The following OSBPL10 variants were observed in gnomAD, a reference collection of about 807,000 sequenced individuals.
The protein encoded by OSBPL10 is oxysterol-binding protein-related protein 10.
In OSBPL10, 49 loss-of-function variants were observed where a neutral mutation model predicts 81.7. That is an observed-to-expected ratio of 0.60 (90% confidence interval 0.48 to 0.76). The LOEUF is 0.76. OSBPL10 is among the 30% of genes least tolerant of loss of function. OSBPL10 has a pLI of 0.00. For synonymous variants in OSBPL10, 419 were observed against 383.6 expected, an observed-to-expected ratio of 1.09 and a Z score of -1.08; for missense variants, 923 against 987.8, an observed-to-expected ratio of 0.93 and a Z score of 0.88.
rs61157535 is a variant in OSBPL10, at chr3:31,799,379, TAAAAAAAAAA to T, written c.729+30651_729+30660del. Among the ~76,000 whole-genome samples, 152 of 56,244 alleles carry T rather than the reference TAAAAAAAAAA, an allele frequency of 2.7e-3. 3 individuals carry two copies. Among genetic ancestry groups the T allele is most frequent in the South Asian group, 0.017 (14 of 846 alleles). The allele number at this position is 56,244 out of a possible 152,430, so 36.9% of individuals were successfully genotyped here. ...CAACATAGCAAGACCCCTATCTCTT[TAAAAAAAAAA>T]AAAAAAAAAAAAAAAAATGGAAGAA... is the stretch of plus-strand genomic sequence containing the variant. On this transcript the variant is annotated intron_variant, in intron 4 of 11. Transcript: ENST00000396556.
chr3:31,855,951 C>T (rs1700900987), intron 3 of OSBPL10, among the ~76,000 whole-genome samples: 1 of 151,996 alleles, frequency 6.6e-6, no homozygotes, highest in African/African-American at 2.4e-5. Flanking sequence ...TATTTAAGTA[C>T]AGATGTATGG....
At chr3:31,898,835 G>A (rs1696141035) in intron 1 of OSBPL10, among the ~76,000 whole-genome samples, 2 of 149,878 alleles carry the variant, frequency 1.3e-5, no homozygotes, top group South Asian at 4.3e-4. Flanking sequence ...TAATAAAGAT[G>A]TTTAACTTAT....
At chr3:32,011,063 T>C (rs1575085140) in intron 2 of OSBPL10, among the ~76,000 whole-genome samples, 1 of 152,216 alleles carries the variant, frequency 6.6e-6, no homozygotes, top group African/African-American at 2.4e-5. Flanking sequence ...CAGACTTAAA[T>C]GTCCCTGTCT....
chr3:31,958,400 A>G (rs1226172744), intron 1 of OSBPL10, among the ~76,000 whole-genome samples: 1 of 152,188 alleles, frequency 6.6e-6, no homozygotes, highest in Non-Finnish European at 1.5e-5. Context: ...ACTAGATCCA[A>G]TGTAGTAACA....
intron 6 of OSBPL10, among the ~76,000 whole-genome samples, chr3:31,724,621 G>T (rs1032496518): frequency 4.0e-4 from 2 of 5,026 alleles, no homozygotes; most frequent in Non-Finnish European, 6.0e-4. Flanking sequence ...AAGCAATGGA[G>T]GAAAGAAAAA....
chr3:31,688,795 C>T (rs1376846087), intron 7 of OSBPL10, among the ~76,000 whole-genome samples: 1 of 152,178 alleles, frequency 6.6e-6, no homozygotes, highest in Non-Finnish European at 1.5e-5. Flanking sequence ...TAGCTTATTT[C>T]AGGAACGTGT....
chr3:31,987,242 T>C (rs1698947517), intron 2 of OSBPL10, among the ~76,000 whole-genome samples: 1 of 152,164 alleles, frequency 6.6e-6, no homozygotes, highest in Non-Finnish European at 1.5e-5. Flanking sequence ...TACTTTCTAA[T>C]TTACCTTGTT....
At chr3:31,889,416 T>G (rs1052074701) in intron 1 of OSBPL10, among the ~76,000 whole-genome samples, 1 of 152,036 alleles carries the variant, frequency 6.6e-6, no homozygotes, top group Admixed American at 6.5e-5. Context: ...CAACAACAGA[T>G]GAACGGATAA....
At chr3:31,740,929 T>A (rs886695699) in intron 5 of OSBPL10, among the ~76,000 whole-genome samples, 1 of 146,094 alleles carries the variant, frequency 6.8e-6, no homozygotes, top group African/African-American at 2.7e-5. Context: ...TATAGCAAAA[T>A]AGAAAACATG....
At chr3:31,809,215 C>G (rs1699601886) in intron 4 of OSBPL10, among the ~76,000 whole-genome samples, 1 of 152,156 alleles carries the variant, frequency 6.6e-6, no homozygotes, top group Non-Finnish European at 1.5e-5. Context: ...ATCAGCAAAA[C>G]TACAACAAAC....
chr3:32,044,437 A>T lies in OSBPL10; in HGVS notation n.298+2054T>A, dbSNP rs1699605574. ...AAAAATTTTAATGGCAAACAGTTGT[A>T]TCTAATAAAGATTCTGAATCCTGGT... On this transcript the variant is annotated intron_variant and non_coding_transcript_variant, in intron 2 of 3. Transcript: ENST00000479173. Among the ~76,000 whole-genome samples, 3 of 150,162 alleles carry T rather than the reference A, an allele frequency of 2.0e-5. No homozygotes were observed. The South Asian group carries it at 6.3e-4, about 31-fold the overall frequency.
intron 3 of OSBPL10, among the ~76,000 whole-genome samples, chr3:31,867,665 C>A (rs957493984): frequency 5.3e-5 from 8 of 151,510 alleles, no homozygotes; most frequent in Middle Eastern, 3.2e-3. Context: ...ATTGCTTGAA[C>A]CTGGGAGGCG....
At chr3:31,685,404 T>C (rs1473509031) in intron 7 of OSBPL10, among the ~76,000 whole-genome samples, 1 of 152,212 alleles carries the variant, frequency 6.6e-6, no homozygotes, top group African/African-American at 2.4e-5. Flanking sequence ...GGTCTCACCA[T>C]GTTGCCCAGG....
At chr3:31,914,477 A>T (rs1696688509) in intron 1 of OSBPL10, among the ~76,000 whole-genome samples, 1 of 152,156 alleles carries the variant, frequency 6.6e-6, no homozygotes, top group South Asian at 2.1e-4. Flanking sequence ...AACCTTACTA[A>T]CCACAGCACT....
chr3:31,879,611 G>A (rs767831467), intron 2 of OSBPL10, 44 bp downstream of exon 2: 17 of 1,553,294 alleles, frequency 1.1e-5, no homozygotes, highest in South Asian at 2.4e-5. Context: ...CATCACCATA[G>A]CAACTAGAGG....
intron 2 of OSBPL10, among the ~76,000 whole-genome samples, chr3:32,017,933 G>A (rs1699330133): frequency 6.6e-6 from 1 of 152,054 alleles, no homozygotes; most frequent in Non-Finnish European, 1.5e-5. Flanking sequence ...CAGATCACTT[G>A]AGGTCAGGAG....
At chr3:31,810,979 G>C (rs189138373) in intron 4 of OSBPL10, among the ~76,000 whole-genome samples, 1 of 152,132 alleles carries the variant, frequency 6.6e-6, no homozygotes, top group Non-Finnish European at 1.5e-5. Flanking sequence ...CGAGAGTGTC[G>C]AGTGCTAAGT....
intron 3 of OSBPL10, among the ~76,000 whole-genome samples, chr3:31,845,217 C>G (rs1015437830): frequency 6.6e-6 from 1 of 152,178 alleles, no homozygotes; most frequent in African/African-American, 2.4e-5. Flanking sequence ...CTGCCTGCCT[C>G]CATCTTCTCC....
chr3:31,806,841 T>C (rs141075450), intron 4 of OSBPL10, among the ~76,000 whole-genome samples: 3 of 152,040 alleles, frequency 2.0e-5, no homozygotes, highest in East Asian at 1.9e-4. Context: ...GTGAGTGCAA[T>C]GGCCTTCAAG....
Sources: gnomAD v4.1 joint callset for allele counts (sites outside exome capture counted in the v4.1 genomes callset) on GRCh38, gnomAD v4.1.1 for gene constraint, MANE v1.5 for transcripts, NCBI Gene and HGNC (gene_info 2026-07-23, HGNC 2026-07-21) for gene names.